The following NAALADL2 variants were observed in gnomAD, a reference collection of about 807,000 sequenced individuals.
NAALADL2 encodes inactive N-acetylated-alpha-linked acidic dipeptidase-like protein 2.
A neutral mutation model predicts 87.2 loss-of-function variants in NAALADL2; 76 were observed. The ratio of observed to expected loss-of-function variants is 0.87; its 90% CI spans 0.72 to 1.05. NAALADL2 has a LOEUF of 1.05. Among genes scored for constraint, NAALADL2 ranks in the 50% least tolerant of loss-of-function variants. NAALADL2 has a pLI of 0.00. For missense variants in NAALADL2, 1,089 were observed against 945.8 expected, an observed-to-expected ratio of 1.15 and a Z score of -1.99; for synonymous variants, 354 against 331.0, an observed-to-expected ratio of 1.07 and a Z score of -0.75.
chr3:175,620,741 C>A (rs1052570193), intron 10 of NAALADL2, among the ~76,000 whole-genome samples: 1 of 152,148 alleles, frequency 6.6e-6, no homozygotes, highest in Non-Finnish European at 1.5e-5. Flanking sequence ...CCGCTCTCTT[C>A]GTGCCTGCAC....
At chr3:174,809,348 T>C (rs1719884692) in intron 3 of NAALADL2, among the ~76,000 whole-genome samples, 1 of 152,154 alleles carries the variant, frequency 6.6e-6, no homozygotes, top group South Asian at 2.1e-4. Context: ...AACAGAAAAG[T>C]AGACAATAAA....
chr3:175,662,463 A>T (rs1042291080), intron 11 of NAALADL2, among the ~76,000 whole-genome samples: 1 of 151,892 alleles, frequency 6.6e-6, no homozygotes, highest in Admixed American at 6.6e-5. Flanking sequence ...TTCCTTTCCA[A>T]TTTGGATGCT....
intron 3 of NAALADL2, among the ~76,000 whole-genome samples, chr3:174,836,867 T>G (rs1055384992): frequency 6.6e-6 from 1 of 152,124 alleles, no homozygotes; most frequent in African/African-American, 2.4e-5. Flanking sequence ...GGGTAAAGTT[T>G]AAAGTATAAA....
chr3:174,646,812 C>T (rs865793332), intron 2 of NAALADL2, among the ~76,000 whole-genome samples: 5 of 152,042 alleles, frequency 3.3e-5, no homozygotes, highest in Non-Finnish European at 5.9e-5. Flanking sequence ...GCCCTGAATT[C>T]TTCATTTTAA....
intron 1 of NAALADL2, among the ~76,000 whole-genome samples, chr3:174,883,439 A>G (rs1448933348): frequency 1.3e-5 from 2 of 152,150 alleles, no homozygotes; most frequent in South Asian, 4.1e-4. Flanking sequence ...TGACACAACT[A>G]TCCTTCATAC....
intron 1 of NAALADL2, among the ~76,000 whole-genome samples, chr3:174,977,057 C>T (rs1744449290): frequency 6.6e-6 from 1 of 152,062 alleles, no homozygotes; most frequent in Non-Finnish European, 1.5e-5. Context: ...TTATAGACAA[C>T]CCAGTGGATT....
intron 2 of NAALADL2, among the ~76,000 whole-genome samples, chr3:175,183,316 C>T (rs540673262): frequency 2.6e-5 from 4 of 151,270 alleles, no homozygotes; most frequent in East Asian, 2.0e-4. Flanking sequence ...GTTCATTGTT[C>T]GTGACTTATA....
intron 9 of NAALADL2, among the ~76,000 whole-genome samples, chr3:175,571,217 T>C (rs1718036185): frequency 6.6e-6 from 1 of 152,198 alleles, no homozygotes; most frequent in Non-Finnish European, 1.5e-5. Context: ...GCAAAGAGCA[T>C]ACAGATTTAG....
At chr3:175,723,451 A>G (rs1742509012) in intron 11 of NAALADL2, among the ~76,000 whole-genome samples, 1 of 152,162 alleles carries the variant, frequency 6.6e-6, no homozygotes, top group Non-Finnish European at 1.5e-5. Context: ...AAACATTTAG[A>G]TATTATACTT....
At chr3:174,676,163 C>G (rs531530690) in intron 2 of NAALADL2, among the ~76,000 whole-genome samples, 1 of 152,014 alleles carries the variant, frequency 6.6e-6, no homozygotes, top group African/African-American at 2.4e-5. Flanking sequence ...TGGTAATTGA[C>G]CAATTGTGAA....
intron 1 of NAALADL2, among the ~76,000 whole-genome samples, chr3:174,931,118 T>C (rs961005781): frequency 1.8e-4 from 27 of 152,284 alleles, no homozygotes; most frequent in Middle Eastern, 3.4e-3. Flanking sequence ...ATTTCGGGGC[T>C]GAATCGATCA....
intron 3 of NAALADL2, among the ~76,000 whole-genome samples, chr3:174,752,183 G>T (rs936909055): frequency 6.6e-6 from 1 of 152,038 alleles, no homozygotes; most frequent in East Asian, 1.9e-4. Context: ...CACCGTTTTA[G>T]CCAGGATGGT....
intron 1 of NAALADL2, among the ~76,000 whole-genome samples, chr3:175,078,832 G>A (rs561281988): frequency 2.2e-4 from 33 of 152,138 alleles, no homozygotes; most frequent in African/African-American, 4.8e-4. Context: ...TTATCCTTCC[G>A]TCAGTCTATG....
chr3:174,604,962 A>C (rs1031237487), intron 2 of NAALADL2, among the ~76,000 whole-genome samples: 1 of 151,926 alleles, frequency 6.6e-6, no homozygotes, highest in Non-Finnish European at 1.5e-5. Context: ...AATATTGTCC[A>C]GGCTGATCTT....
At chr3:175,187,352 G>T (rs1274802488) in intron 2 of NAALADL2, among the ~76,000 whole-genome samples, 1 of 152,144 alleles carries the variant, frequency 6.6e-6, no homozygotes, top group African/African-American at 2.4e-5. Context: ...TGACTCAAGG[G>T]TGTTTATTTC....
chr3:175,128,965 G>A (rs1166399384), intron 2 of NAALADL2, among the ~76,000 whole-genome samples: 2 of 151,902 alleles, frequency 1.3e-5, no homozygotes, highest in Admixed American at 6.6e-5. Flanking sequence ...TTGAGAGAGA[G>A]TCCCATTCTG....
chr3:175,151,047 A>T (rs1055981057), intron 2 of NAALADL2, among the ~76,000 whole-genome samples: 1 of 152,168 alleles, frequency 6.6e-6, no homozygotes, highest in Non-Finnish European at 1.5e-5. Context: ...TTGTTTAAAC[A>T]ATGAATCATA....
chr3:174,696,669 CT>C (rs1211283449), intron 2 of NAALADL2, among the ~76,000 whole-genome samples: 1 of 145,982 alleles, frequency 6.9e-6, no homozygotes, highest in Non-Finnish European at 1.5e-5. Flanking sequence ...TTTTCCATTA[CT>C]GATCTAGGAT....
chr3:175,372,737 A>G (rs1294054700), intron 5 of NAALADL2, among the ~76,000 whole-genome samples: 1 of 152,212 alleles, frequency 6.6e-6, no homozygotes, highest in Non-Finnish European at 1.5e-5. Context: ...ATTAATGAAG[A>G]AGTAAGGAAA....
Sources: gnomAD v4.1 joint callset for allele counts (sites outside exome capture counted in the v4.1 genomes callset) on GRCh38, gnomAD v4.1.1 for gene constraint, MANE v1.5 for transcripts, NCBI Gene and HGNC (gene_info 2026-07-23, HGNC 2026-07-21) for gene names.